The following METTL5 variants were observed in gnomAD, a reference collection of about 807,000 sequenced individuals.
METTL5 encodes the protein methyltransferase 5, N6-adenosine.
METTL5 carries 28 observed loss-of-function variants against 26.5 expected under a neutral mutation model. The ratio of observed to expected loss-of-function variants is 1.06; its 90% CI spans 0.78 to 1.45. The LOEUF is 1.45. METTL5 is among the 40% of genes most tolerant of loss of function. The probability of loss-of-function intolerance (pLI) is 0.00; values close to 1 mark genes in which losing one functional copy is unlikely to be tolerated. For missense variants in METTL5, 231 were observed against 249.9 expected (o/e 0.92, Z 0.51); for synonymous variants, 86 against 82.6 (o/e 1.04, Z -0.22).
chr2:169,824,636 A>T lies in METTL5; in HGVS notation c.-39T>A. 1.4e-6 allele frequency: 2 copies of T among 1,458,606 alleles called. No homozygotes were observed. Among genetic ancestry groups the T allele is most frequent in the Non-Finnish European group, 1.9e-6 (2 of 1,038,380 alleles). The allele number at this position is 1,458,606 out of a possible 1,614,324, so 90.4% of individuals were successfully genotyped here. ...ATGGACTCGTAGGGTTTGAAGGCAC[A>T]GGATCTGCGGAGAAATCTATTGAAC... On this transcript the variant is annotated 5_prime_UTR_variant, in exon 1 of 7. Coordinates refer to ENST00000260953, the MANE Select transcript of METTL5 (RefSeq NM_014168.4).
At chr2:169,817,545 TAATAGACTGGATA>T (rs1463163406) in intron 4 of METTL5, among the ~76,000 whole-genome samples, 4 of 152,034 alleles carry the variant, frequency 2.6e-5, no homozygotes, top group Non-Finnish European at 5.9e-5. Flanking sequence ...TGTCCATCGA[TAATAGACTGGATA>T]AAGAAAATGT....
At chr2:169,820,609 A>G (rs904500946) in intron 3 of METTL5, among the ~76,000 whole-genome samples, 2 of 152,248 alleles carry the variant, frequency 1.3e-5, no homozygotes, top group Non-Finnish European at 2.9e-5. Context: ...TATACAAATA[A>G]GAGATTGGTT....
At position 169,821,110 on chromosome 2, in the gene METTL5, C is replaced by T; in HGVS notation, c.388G>A (p.Gly130Arg). 6.3e-7 allele frequency: 1 copy of T among 1,596,712 alleles called. No homozygotes were observed. The highest frequency in any genetic ancestry group is 8.5e-7 in the Non-Finnish European group (1 of 1,174,222). The change falls in exon 3 of 7, where the codon GGG becomes AGG. Residue 130 changes from glycine to arginine, a missense_variant. Gly to Arg is a moderately radical substitution (Grantham distance 125). Coordinates refer to ENST00000260953, the MANE Select transcript of METTL5 (RefSeq NM_014168.4). ...TACAAACCTTTATTATTTTTGGTCC[C>T]AAAGGGAGGATTCATAATTACTGTA... ...FDTVIMNPPF[G>R]TKNNKGTDMA...
At chr2:169,824,218 T>C (rs2081621889) in intron 1 of METTL5, 2 of 323,420 alleles carry the variant, frequency 6.2e-6, no homozygotes, top group South Asian at 5.5e-5. Context: ...TCCTCAGAGA[T>C]TGTAATGTGA....
chr2:169,812,763 C>T (rs1007218529), intron 5 of METTL5: 2 of 322,020 alleles, frequency 6.2e-6, no homozygotes, highest in Non-Finnish European at 1.1e-5. Flanking sequence ...AAACAGTGGA[C>T]GAAAAAGTAA....
chr2:169,819,621 C>A lies in METTL5; in HGVS notation c.429G>T (p.Lys143Asn). ...NNKGTDMAFL[K>N]TALEMARTAV... ...CTGTTCTTGCCATTTCCAAAGCAGT[C>A]TTTAGAAAAGCCATATCTGTCCCTG... Residue 143 changes from lysine (K) to asparagine (N), a missense_variant, in exon 4 of 7, where the codon AAG (lysine) becomes AAT (asparagine). Transcript: ENST00000260953. The A allele has an allele frequency of 6.2e-7, 1 of 1,612,982 alleles. No homozygotes were observed. The highest frequency in any genetic ancestry group is 8.5e-7 in the Non-Finnish European group (1 of 1,179,412).
intron 4 of METTL5, among the ~76,000 whole-genome samples, chr2:169,817,171 A>T (rs1030842861): frequency 2.0e-5 from 3 of 152,370 alleles, no homozygotes; most frequent in African/African-American, 7.2e-5. Context: ...CAGCCAACAG[A>T]CATATGAAAA....
chr2:169,819,688 CAG>C (rs771836396), intron 3 of METTL5, 45 bp from the exon 4 acceptor site: 30 of 1,327,098 alleles, frequency 2.3e-5, no homozygotes, highest in Middle Eastern at 4.0e-4. Flanking sequence ...CTTCTCAAAA[CAG>C]AAGATTAAGT....
At chr2:169,817,588 A>C (rs998042296) in intron 4 of METTL5, among the ~76,000 whole-genome samples, 5 of 152,194 alleles carry the variant, frequency 3.3e-5, no homozygotes, top group Non-Finnish European at 7.3e-5. Context: ...ACACCATGGA[A>C]TACTATGCAG....
intron 5 of METTL5, chr2:169,812,756 CAG>C (rs1226595793): frequency 1.7e-5 from 6 of 359,946 alleles, no homozygotes; most frequent in East Asian, 1.5e-4. Flanking sequence ...GAAGGATAAA[CAG>C]TGGACGAAAA....
chr2:169,820,104 T>G (rs574745145), intron 3 of METTL5, among the ~76,000 whole-genome samples: 31 of 152,232 alleles, frequency 2.0e-4, no homozygotes, highest in Non-Finnish European at 8.8e-5. Flanking sequence ...ATTACAGGCA[T>G]GTGCCACCAT....
intron 4 of METTL5, among the ~76,000 whole-genome samples, chr2:169,817,132 C>T (rs1465359285): frequency 6.6e-6 from 1 of 151,984 alleles, no homozygotes; most frequent in Non-Finnish European, 1.5e-5. Flanking sequence ...AAGATATGAA[C>T]AGACACTTCC....
Position 169,815,546 on chromosome 2 carries a change from G to A in METTL5, c.490-18C>T, listed in dbSNP as rs750229298. On this transcript the variant is annotated intron_variant, in intron 4 of 6. Coordinates refer to ENST00000260953, the MANE Select transcript of METTL5 (RefSeq NM_014168.4). ...TGAACATGCTGAACATAAATAATAT[G>A]TTGTTATGAGCTGATTTTTAAATAA... 1.3e-6 allele frequency: 2 copies of A among 1,563,604 alleles called. No individual in the cohort carries two copies. Among genetic ancestry groups the A allele is most frequent in the East Asian group, 4.5e-5 (2 of 44,348 alleles).
intron 5 of METTL5, among the ~76,000 whole-genome samples, chr2:169,813,713 AAAC>A (rs1690057512): frequency 6.6e-6 from 1 of 151,744 alleles, no homozygotes; most frequent in African/African-American, 2.4e-5. Context: ...ATAATAAAAA[AAAC>A]AGCTGGACGT....
chr2:169,818,653 A>C (rs765352703), intron 4 of METTL5, among the ~76,000 whole-genome samples: 12 of 152,316 alleles, frequency 7.9e-5, no homozygotes, highest in Admixed American at 6.5e-5. Context: ...ATGTAACTAG[A>C]ATGTATTATT....
chr2:169,811,769 A>G lies in METTL5; in HGVS notation c.*51T>C, dbSNP rs200380538. 2,769 of 1,613,018 alleles carry G rather than the reference A, an allele frequency of 1.7e-3. 9 individuals carry two copies. The highest frequency in any genetic ancestry group is 5.1e-3 in the Middle Eastern group (31 of 6,044). On this transcript the variant is annotated 3_prime_UTR_variant, in exon 7 of 7. Coordinates refer to ENST00000260953, the MANE Select transcript of METTL5 (RefSeq NM_014168.4). ...TGGAGACCAGTAGTTTAGTAAACCA[A>G]TTTTTTATTCATTTTAAATAGGTTT...
chr2:169,817,269 A>G (rs536064835), intron 4 of METTL5, among the ~76,000 whole-genome samples: 40 of 152,346 alleles, frequency 2.6e-4, no homozygotes, highest in African/African-American at 9.4e-4. Flanking sequence ...GCAATCATTA[A>G]AAAGTCAGGA....
At chr2:169,813,184 G>GT (rs945860691) in intron 5 of METTL5, 16 of 149,242 alleles carry the variant, frequency 1.1e-4, no homozygotes, top group African/African-American at 3.2e-4. Flanking sequence ...CTGGAGTGCA[G>GT]TGGCGCGATC....
chr2:169,816,073 TAGTC>T (rs2081502092), intron 4 of METTL5, among the ~76,000 whole-genome samples: 1 of 152,154 alleles, frequency 6.6e-6, no homozygotes. Context: ...CAGAATGCAT[TAGTC>T]AGAACATATC....
Sources: gnomAD v4.1 joint callset for allele counts (sites outside exome capture counted in the v4.1 genomes callset) on GRCh38, gnomAD v4.1.1 for gene constraint, MANE v1.5 for transcripts, NCBI Gene and HGNC (gene_info 2026-07-23, HGNC 2026-07-21) for gene names.